The following PHF24 variants were observed in gnomAD, a reference collection of about 807,000 sequenced individuals.
PHF24 encodes the protein PHD finger protein 24.
In PHF24, 25 loss-of-function variants were observed where a neutral mutation model predicts 42.6. The observed-to-expected ratio is 0.59, with a 90% confidence interval of 0.43 to 0.82. PHF24 has a LOEUF of 0.82. PHF24 is among the 40% of genes least tolerant of loss of function. The probability of loss-of-function intolerance (pLI) is 0.00; values close to 1 mark genes in which losing one functional copy is unlikely to be tolerated. For synonymous variants in PHF24, 185 were observed against 204.8 expected, an observed-to-expected ratio of 0.90 and a Z score of 0.83; for missense variants, 470 against 538.1, an observed-to-expected ratio of 0.87 and a Z score of 1.25.
the PHF24 span, among the ~76,000 whole-genome samples, chr9:34,825,973 A>G: frequency 1.2e-4 from 18 of 152,020 alleles, no homozygotes; most frequent in Admixed American, 8.5e-4. Flanking sequence ...CTTGGAATTG[A>G]TACACTCTGG....
At chr9:34,697,163 C>A in the PHF24 span, among the ~76,000 whole-genome samples, 2 of 152,158 alleles carry the variant, frequency 1.3e-5, no homozygotes, top group African/African-American at 4.8e-5. Context: ...TGACAGTGGC[C>A]TGTGATCAGT....
chr9:34,741,296 G>A, the PHF24 span, among the ~76,000 whole-genome samples: 246 of 152,130 alleles, frequency 1.6e-3, 6 homozygotes, highest in East Asian at 0.024. Context: ...AGGTAGATGA[G>A]TTTTCTATTT....
the PHF24 span, among the ~76,000 whole-genome samples, chr9:34,768,378 G>A: frequency 3.3e-5 from 5 of 152,190 alleles, no homozygotes; most frequent in South Asian, 4.1e-4. Flanking sequence ...GGCACCTTAT[G>A]CTATTCTGGG....
At chr9:34,892,500 T>G in the PHF24 span, among the ~76,000 whole-genome samples, 1 of 152,204 alleles carries the variant, frequency 6.6e-6, no homozygotes, top group African/African-American at 2.4e-5. Context: ...TGTGGGAATA[T>G]GTGCAACAAT....
the PHF24 span, among the ~76,000 whole-genome samples, chr9:34,875,346 A>G: frequency 1.3e-5 from 2 of 152,222 alleles, no homozygotes; most frequent in African/African-American, 4.8e-5. Flanking sequence ...TTTCTTTAAT[A>G]AAAAATGTAA....
chr9:34,676,945 A>G, the PHF24 span, among the ~76,000 whole-genome samples: 20 of 152,234 alleles, frequency 1.3e-4, 1 homozygote, highest in Admixed American at 3.3e-4. Context: ...CCCGTGATCC[A>G]ATCACCTCCC....
chr9:34,893,258 G>C, the PHF24 span: 5 of 431,776 alleles, frequency 1.2e-5, no homozygotes, highest in Non-Finnish European at 1.6e-5. Context: ...GAAAATCCTG[G>C]AGCCTACACT....
the PHF24 span, among the ~76,000 whole-genome samples, chr9:34,787,748 C>T: frequency 1.3e-5 from 2 of 152,080 alleles, no homozygotes; most frequent in Admixed American, 1.3e-4. Flanking sequence ...AAGCATTTGC[C>T]TTAGTCATGT....
At chr9:34,680,109 C>T in the PHF24 span, among the ~76,000 whole-genome samples, 1 of 152,180 alleles carries the variant, frequency 6.6e-6, no homozygotes, top group Non-Finnish European at 1.5e-5. Context: ...GGTGCAGTGG[C>T]TCATGCCTGT....
chr9:34,709,626 C>T, the PHF24 span: 1 of 1,614,062 alleles, frequency 6.2e-7, no homozygotes, highest in Non-Finnish European at 8.5e-7. Context: ...CTGCTGCACC[C>T]AGAGCTCCTT....
At chr9:34,860,181 G>A in the PHF24 span, among the ~76,000 whole-genome samples, 40 of 152,286 alleles carry the variant, frequency 2.6e-4, no homozygotes, top group African/African-American at 8.7e-4. Flanking sequence ...AGCACACCTC[G>A]CTGGTTTCCC....
the PHF24 span, among the ~76,000 whole-genome samples, chr9:34,905,046 AT>A: frequency 2.6e-4 from 40 of 152,200 alleles, no homozygotes; most frequent in African/African-American, 8.9e-4. Flanking sequence ...ATTTATCACT[AT>A]AAATTAGTAA....
At chr9:34,832,663 T>G in the PHF24 span, 7 of 1,539,544 alleles carry the variant, frequency 4.5e-6, no homozygotes, top group Non-Finnish European at 6.2e-6. Flanking sequence ...CATTTAATTT[T>G]ATTTCTGAAG....
chr9:34,734,801 C>T, the PHF24 span, among the ~76,000 whole-genome samples: 5 of 152,172 alleles, frequency 3.3e-5, no homozygotes, highest in African/African-American at 9.7e-5. Flanking sequence ...AACAGAATCT[C>T]CCCACCCTGA....
chr9:34,964,057 G>C (rs1826686965), intron 1 of PHF24, among the ~76,000 whole-genome samples: 1 of 152,226 alleles, frequency 6.6e-6, no homozygotes, highest in Non-Finnish European at 1.5e-5. Flanking sequence ...CACATGCTCT[G>C]TGGAAGTCAG....
chr9:34,705,526 G>A, the PHF24 span, among the ~76,000 whole-genome samples: 2 of 152,148 alleles, frequency 1.3e-5, no homozygotes, highest in African/African-American at 2.4e-5. Flanking sequence ...GCTGAAGTGA[G>A]CGTCTTGGCC....
intron 1 of PHF24, among the ~76,000 whole-genome samples, chr9:34,959,742 C>A (rs372496460): frequency 6.6e-6 from 1 of 152,148 alleles, no homozygotes; most frequent in South Asian, 2.1e-4. Flanking sequence ...CTAATTGAGG[C>A]CTCTGGGTGT....
chr9:34,681,493 A>T, the PHF24 span, among the ~76,000 whole-genome samples: 4 of 152,430 alleles, frequency 2.6e-5, no homozygotes, highest in Middle Eastern at 3.4e-3. Flanking sequence ...CTGTATCTGA[A>T]GATGGGGTCT....
the PHF24 span, among the ~76,000 whole-genome samples, chr9:34,823,595 G>C: frequency 6.6e-6 from 1 of 152,248 alleles, no homozygotes; most frequent in South Asian, 2.1e-4. Flanking sequence ...GGAGACGTTG[G>C]GGCCTCCCTG....
Sources: allele counts gnomAD v4.1 joint callset (sites outside exome capture counted in the v4.1 genomes callset), GRCh38; gene constraint gnomAD v4.1.1; transcripts MANE v1.5; gene names NCBI Gene and HGNC (gene_info 2026-07-23, HGNC 2026-07-21).